Variants in SLC24A3 observed in about 807,000 individuals in gnomAD.
The protein encoded by SLC24A3 is solute carrier family 24 member 3.
A neutral mutation model predicts 75.8 loss-of-function variants in SLC24A3; 28 were observed. That is an observed-to-expected ratio of 0.37 (90% CI 0.27 to 0.51). The LOEUF (loss-of-function observed/expected upper bound fraction) is 0.51, where lower values mean the gene tolerates loss of function less well. SLC24A3 is among the 20% of genes least tolerant of loss of function. The pLI is 0.94. For synonymous variants in SLC24A3, 372 were observed against 334.1 expected (o/e 1.11, Z -1.24); for missense variants, 663 against 847.8 (o/e 0.78, Z 2.71).
At chr20:19,303,616 A>G (rs1225827560) in intron 2 of SLC24A3, among the ~76,000 whole-genome samples, 1 of 152,180 alleles carries the variant, frequency 6.6e-6, no homozygotes, top group Non-Finnish European at 1.5e-5. Context: ...TTCTCACTGT[A>G]TCAGTTGTCT....
At chr20:19,314,042 C>T (rs565878197) in intron 2 of SLC24A3, among the ~76,000 whole-genome samples, 31 of 152,172 alleles carry the variant, frequency 2.0e-4, no homozygotes, top group African/African-American at 7.2e-4. Flanking sequence ...ATTCACAGAC[C>T]GGTCACTGTG....
chr20:19,398,273 T>C (rs1986491551), intron 2 of SLC24A3, among the ~76,000 whole-genome samples: 1 of 152,146 alleles, frequency 6.6e-6, no homozygotes, highest in South Asian at 2.1e-4. Flanking sequence ...TGGGGAGAAT[T>C]GATATCTTAG....
intron 6 of SLC24A3, among the ~76,000 whole-genome samples, chr20:19,618,621 T>A (rs2031767598): frequency 6.6e-6 from 1 of 152,230 alleles, no homozygotes; most frequent in African/African-American, 2.4e-5. Context: ...GACAACCATG[T>A]ACCAACTAGG....
intron 2 of SLC24A3, among the ~76,000 whole-genome samples, chr20:19,359,619 G>A (rs1012019845): frequency 3.3e-5 from 5 of 152,334 alleles, no homozygotes; most frequent in Non-Finnish European, 5.9e-5. Context: ...TGCTTCTCAA[G>A]GGGCAAGTCC....
At chr20:19,651,829 C>T (rs1467479377) in intron 6 of SLC24A3, among the ~76,000 whole-genome samples, 1 of 147,284 alleles carries the variant, frequency 6.8e-6, no homozygotes, top group African/African-American at 2.5e-5. Flanking sequence ...CCACTGCACT[C>T]CAGCCTGGGT....
At chr20:19,642,616 C>T (rs1020281583) in intron 6 of SLC24A3, among the ~76,000 whole-genome samples, 13 of 152,178 alleles carry the variant, frequency 8.5e-5, no homozygotes, top group Non-Finnish European at 1.5e-4. Context: ...CACTGTACTT[C>T]CTAGGCTGCA....
chr20:19,454,872 T>C (rs894030272), intron 2 of SLC24A3, among the ~76,000 whole-genome samples: 97 of 152,260 alleles, frequency 6.4e-4, no homozygotes, highest in African/African-American at 2.3e-3. Flanking sequence ...AAATTGCTTG[T>C]ATTTTCTAGT....
At chr20:19,566,380 C>T (rs1460787667) in intron 3 of SLC24A3, among the ~76,000 whole-genome samples, 1 of 152,236 alleles carries the variant, frequency 6.6e-6, no homozygotes, top group African/African-American at 2.4e-5. Context: ...CTACCTCATT[C>T]ATTTCTACAT....
chr20:19,616,827 A>G (rs866724638), intron 6 of SLC24A3, among the ~76,000 whole-genome samples: 9 of 152,210 alleles, frequency 5.9e-5, no homozygotes, highest in Middle Eastern at 3.4e-3. Flanking sequence ...CCAAGGTGCT[A>G]CTTAGGCAGC....
chr20:19,217,290 A>G (rs1289641891), intron 1 of SLC24A3, among the ~76,000 whole-genome samples: 1 of 152,160 alleles, frequency 6.6e-6, no homozygotes, highest in South Asian at 2.1e-4. Context: ...TCACATTATA[A>G]GAGCCTCTGC....
chr20:19,553,482 A>G (rs775116433), intron 3 of SLC24A3, among the ~76,000 whole-genome samples: 13 of 152,186 alleles, frequency 8.5e-5, no homozygotes, highest in Non-Finnish European at 1.8e-4. Context: ...TCTCTGTAAC[A>G]CAACTGTGTA....
chr20:19,707,042 GAC>G (rs2045781983), intron 15 of SLC24A3, among the ~76,000 whole-genome samples: 1 of 152,076 alleles, frequency 6.6e-6, no homozygotes, highest in South Asian at 2.1e-4. Context: ...GGCTTCTCAA[GAC>G]ACAGTCTTCT....
At chr20:19,627,255 C>T (rs890361166) in intron 6 of SLC24A3, among the ~76,000 whole-genome samples, 3 of 152,168 alleles carry the variant, frequency 2.0e-5, no homozygotes, top group Non-Finnish European at 4.4e-5. Context: ...GGTACAACCG[C>T]ACATAAGCCA....
At chr20:19,233,260 C>T (rs1982074621) in intron 1 of SLC24A3, among the ~76,000 whole-genome samples, 2 of 152,242 alleles carry the variant, frequency 1.3e-5, no homozygotes, top group Non-Finnish European at 1.5e-5. Context: ...CGGAAGTGCA[C>T]ACAGCAGTTC....
At position 19,585,945 on chromosome 20, in the gene SLC24A3, A is replaced by G. The variant is rs144911641; in HGVS notation, c.612+401A>G. Among the ~76,000 whole-genome samples, 42 of 152,346 alleles carry G rather than the reference A, an allele frequency of 2.8e-4. No individual in the cohort carries two copies. In the East Asian group the frequency reaches 7.5e-3, roughly 27 times the overall value. The stretch of plus-strand genomic sequence containing the variant: ...AATCTGCTAAACACAATGAGAATAC[A>G]TGAGAATCTGCTAAACAAAACATGC... On this transcript the variant is annotated intron_variant, in intron 6 of 16. Transcript: ENST00000328041.
At chr20:19,344,107 T>C (rs1985335566) in intron 2 of SLC24A3, among the ~76,000 whole-genome samples, 1 of 152,162 alleles carries the variant, frequency 6.6e-6, no homozygotes. Flanking sequence ...TGTGAACACC[T>C]CCTCCTTCAG....
intron 8 of SLC24A3, among the ~76,000 whole-genome samples, chr20:19,672,960 A>G (rs2122729021): frequency 6.6e-6 from 1 of 152,360 alleles, no homozygotes; most frequent in Middle Eastern, 3.4e-3. Flanking sequence ...CGAAACCTGG[A>G]AAACAAGCTC....
At chr20:19,652,144 C>T (rs1474774463) in intron 6 of SLC24A3, among the ~76,000 whole-genome samples, 1 of 152,180 alleles carries the variant, frequency 6.6e-6, no homozygotes, top group Non-Finnish European at 1.5e-5. Context: ...TGCTTTCCAG[C>T]TTCAAAAATT....
intron 1 of SLC24A3, among the ~76,000 whole-genome samples, chr20:19,272,582 C>T (rs767721831): frequency 6.6e-6 from 1 of 152,194 alleles, no homozygotes; most frequent in Non-Finnish European, 1.5e-5. Flanking sequence ...ACAGTTTTGT[C>T]CAGCAACCCA....
Sources: gnomAD v4.1 joint callset for allele counts (sites outside exome capture counted in the v4.1 genomes callset) on GRCh38, gnomAD v4.1.1 for gene constraint, MANE v1.5 for transcripts, NCBI Gene and HGNC (gene_info 2026-07-23, HGNC 2026-07-21) for gene names.